Variants in CADM2 observed in about 807,000 individuals in gnomAD.
The protein encoded by CADM2 is immunoglobulin superfamily member 4D.
A neutral mutation model predicts 49.8 loss-of-function variants in CADM2; 12 were observed. The observed-to-expected ratio is 0.24, with a 90% CI of 0.15 to 0.39. CADM2 has a LOEUF of 0.39. Ranked by LOEUF, CADM2 falls within the 10% of genes least tolerant of loss-of-function variation. CADM2 has a pLI of 1.00. For missense variants in CADM2, 378 were observed against 492.3 expected (o/e 0.77, Z 2.20); for synonymous variants, 214 against 175.4 (o/e 1.22, Z -1.74).
At chr3:85,260,765 A>G (rs1308630148) in intron 1 of CADM2, among the ~76,000 whole-genome samples, 2 of 152,164 alleles carry the variant, frequency 1.3e-5, no homozygotes, top group African/African-American at 2.4e-5. Context: ...AGCTATTCTA[A>G]ACTCTAAATT....
At chr3:85,114,504 T>C (rs1487411539) in intron 1 of CADM2, among the ~76,000 whole-genome samples, 1 of 152,206 alleles carries the variant, frequency 6.6e-6, no homozygotes, top group African/African-American at 2.4e-5. Flanking sequence ...ACCTGAACAG[T>C]AATTAACATG....
Position 86,066,875 on chromosome 3 carries a change from C to G in CADM2, c.*92C>G. The G allele has an allele frequency of 1.2e-6, 1 of 844,596 alleles. No individual in the cohort carries two copies. The highest frequency in any genetic ancestry group is 2.0e-6 in the Non-Finnish European group (1 of 496,362). The allele number at this position is 844,596 out of a possible 1,614,324, so 52.3% of individuals were successfully genotyped here. On this transcript the variant is annotated 3_prime_UTR_variant, in exon 10 of 10. Coordinates refer to ENST00000383699, the MANE Select transcript of CADM2 (RefSeq NM_001167675.2). ...CAGAAGTCATTTCTACCATCGTCTG[C>G]TACCCTTATTAACTCCCATACTGTA...
intron 1 of CADM2, among the ~76,000 whole-genome samples, chr3:85,457,970 T>G (rs2038068205): frequency 7.6e-6 from 1 of 131,790 alleles, no homozygotes; most frequent in Non-Finnish European, 1.7e-5. Context: ...TTGGGCTAAT[T>G]TAAGTTACTC....
At chr3:85,549,522 A>G (rs2061747763) in intron 1 of CADM2, among the ~76,000 whole-genome samples, 2 of 152,214 alleles carry the variant, frequency 1.3e-5, no homozygotes, top group East Asian at 1.9e-4. Context: ...GAGTAGATGA[A>G]CATAAAGGAA....
chr3:85,429,362 A>T (rs906523705), intron 1 of CADM2, among the ~76,000 whole-genome samples: 2 of 152,148 alleles, frequency 1.3e-5, no homozygotes, highest in Non-Finnish European at 2.9e-5. Flanking sequence ...TATGTTATGC[A>T]ATGCTACATG....
intron 1 of CADM2, among the ~76,000 whole-genome samples, chr3:85,573,016 A>T (rs905643601): frequency 6.6e-6 from 1 of 152,162 alleles, no homozygotes; most frequent in African/African-American, 2.4e-5. Flanking sequence ...TATACATAAG[A>T]TGCAGTCCAT....
chr3:85,999,680 AAAG>A (rs1729921618), intron 8 of CADM2, among the ~76,000 whole-genome samples: 1 of 150,226 alleles, frequency 6.7e-6, no homozygotes, highest in South Asian at 2.1e-4. Context: ...AAAGAAAAAG[AAAG>A]AAAAGAAAGA....
intron 1 of CADM2, among the ~76,000 whole-genome samples, chr3:85,662,373 T>C (rs1468722022): frequency 6.6e-6 from 1 of 152,014 alleles, no homozygotes; most frequent in Non-Finnish European, 1.5e-5. Context: ...TTCACTCCAT[T>C]ACTAATAAGC....
Position 86,061,989 on chromosome 3 carries a change from G to A in CADM2, c.971-3616G>A, listed in dbSNP as rs546894318. 5.4e-4 allele frequency among the ~76,000 whole-genome samples: 79 copies of A among 145,750 alleles called. 1 individual carries two copies. The highest frequency in any genetic ancestry group is 1.8e-3 in the African/African-American group (73 of 39,538). On this transcript the variant is annotated intron_variant, in intron 8 of 9. Coordinates refer to ENST00000383699, the MANE Select transcript of CADM2 (RefSeq NM_001167675.2). ...ATCCCTCAGGTGCTGTTGATGGTGG[G>A]GGGGGGGTTGAATTTGTACAATTTT...
intron 8 of CADM2, among the ~76,000 whole-genome samples, chr3:86,049,423 C>T (rs961151301): frequency 5.9e-5 from 9 of 151,602 alleles, no homozygotes; most frequent in African/African-American, 1.9e-4. Context: ...TACAGGCACC[C>T]GCCACCACGC....
chr3:85,788,484 T>C (rs548079938), intron 2 of CADM2, among the ~76,000 whole-genome samples: 7,708 of 152,114 alleles, frequency 0.051, 544 homozygotes, highest in African/African-American at 0.16. Context: ...TTATTTTAAT[T>C]TTTTACAGAG....
intron 1 of CADM2, among the ~76,000 whole-genome samples, chr3:85,077,980 A>C (rs1194885559): frequency 2.0e-5 from 3 of 152,106 alleles, no homozygotes; most frequent in African/African-American, 7.2e-5. Context: ...AAAATAAATT[A>C]AAATAACCTT....
At chr3:85,224,271 T>C (rs2042103276) in intron 1 of CADM2, among the ~76,000 whole-genome samples, 1 of 152,164 alleles carries the variant, frequency 6.6e-6, no homozygotes, top group Non-Finnish European at 1.5e-5. Context: ...ATCTGTCGTT[T>C]CCTGACTTTT....
intron 3 of CADM2, among the ~76,000 whole-genome samples, chr3:85,845,538 A>G (rs1301635788): frequency 1.3e-5 from 2 of 152,086 alleles, no homozygotes; most frequent in Non-Finnish European, 2.9e-5. Flanking sequence ...TTCATGAACA[A>G]TCTCTGTGCT....
rs35857247 is a variant in CADM2 at position 85,898,955 on chromosome 3, A to ATTTTTTT, written c.529+12650_529+12656dup. Among the ~76,000 whole-genome samples, 60 of 33,914 alleles carry ATTTTTTT rather than the reference A, an allele frequency of 1.8e-3. 8 individuals are homozygous for ATTTTTTT. The highest frequency in any genetic ancestry group is 2.6e-3 in the East Asian group (3 of 1,140). The allele number at this position is 33,914 out of a possible 152,430, so 22.2% of individuals were successfully genotyped here. A position where few individuals can be genotyped will look rare whatever the true frequency, so the allele number is the denominator to read the frequency against. ...TTATTGTGTATATATATATATATAT[A>ATTTTTTT]TTTTTTTTTTTTTTTTTTTTTTTTT... is the stretch of plus-strand genomic sequence containing the variant. On this transcript the variant is annotated intron_variant, in intron 5 of 9. Transcript: ENST00000383699.
At chr3:85,075,623 A>T (rs1186019903) in intron 1 of CADM2, among the ~76,000 whole-genome samples, 1 of 152,128 alleles carries the variant, frequency 6.6e-6, no homozygotes, top group Non-Finnish European at 1.5e-5. Context: ...TTGTTTTACT[A>T]TCTCCCTTAT....
chr3:85,416,950 C>T (rs2035945426), intron 1 of CADM2, among the ~76,000 whole-genome samples: 1 of 151,996 alleles, frequency 6.6e-6, no homozygotes, highest in Non-Finnish European at 1.5e-5. Flanking sequence ...TTTTGACTAT[C>T]TCAGCTTTTT....
At chr3:85,397,102 TA>T (rs1258766834) in intron 1 of CADM2, among the ~76,000 whole-genome samples, 4 of 152,012 alleles carry the variant, frequency 2.6e-5, no homozygotes, top group African/African-American at 9.7e-5. Flanking sequence ...AAAAAGACTT[TA>T]AAGACATTTC....
chr3:85,149,505 T>A (rs1027976666), intron 1 of CADM2, among the ~76,000 whole-genome samples: 3 of 152,120 alleles, frequency 2.0e-5, no homozygotes, highest in African/African-American at 7.2e-5. Flanking sequence ...GGCAGGCGGA[T>A]CATGAGGTCT....
Sources: gnomAD v4.1 joint callset for allele counts (sites outside exome capture counted in the v4.1 genomes callset) on GRCh38, gnomAD v4.1.1 for gene constraint, MANE v1.5 for transcripts, NCBI Gene and HGNC (gene_info 2026-07-23, HGNC 2026-07-21) for gene names.